ADAMTS19: variants seen among roughly 807,000 people sequenced by gnomAD.
ADAMTS19 encodes the protein A disintegrin and metalloproteinase with thrombospondin motifs 19.
Under a neutral mutation model 153.3 loss-of-function variants are expected in ADAMTS19, and 93 were observed. The observed-to-expected ratio is 0.61, with a 90% CI of 0.51 to 0.72. The LOEUF (loss-of-function observed/expected upper bound fraction) is 0.72, where lower values mean the gene tolerates loss of function less well. Among genes scored for constraint, ADAMTS19 ranks in the 30% least tolerant of loss-of-function variants. The probability of loss-of-function intolerance (pLI) is 0.00; values close to 1 mark genes in which losing one functional copy is unlikely to be tolerated. For synonymous variants in ADAMTS19, 600 were observed against 556.6 expected (o/e 1.08, Z -1.10); for missense variants, 1,482 against 1,552.1 (o/e 0.95, Z 0.76).
intron 7 of ADAMTS19, among the ~76,000 whole-genome samples, chr5:129,578,041 T>TACATACAC (rs1554095132): frequency 2.0e-5 from 2 of 98,576 alleles, no homozygotes; most frequent in Non-Finnish European, 4.2e-5. Context: ...CAAACTTACA[T>TACATACAC]ACACACACAC....
intron 7 of ADAMTS19, among the ~76,000 whole-genome samples, chr5:129,572,303 T>A (rs1163438090): frequency 6.6e-6 from 1 of 151,906 alleles, no homozygotes; most frequent in Non-Finnish European, 1.5e-5. Flanking sequence ...ACAACTCAAC[T>A]CTCATACATT....
intron 18 of ADAMTS19, among the ~76,000 whole-genome samples, chr5:129,687,835 T>C (rs1487331103): frequency 4.6e-5 from 7 of 152,208 alleles, no homozygotes; most frequent in Admixed American, 4.6e-4. Flanking sequence ...TTTCTTTGGA[T>C]ACAAATGGAC....
intron 18 of ADAMTS19, among the ~76,000 whole-genome samples, chr5:129,690,042 A>G (rs778374961): frequency 2.0e-5 from 3 of 152,210 alleles, no homozygotes; most frequent in Non-Finnish European, 2.9e-5. Context: ...TGAACCTCTT[A>G]GTATAGAAAG....
At position 129,641,918 on chromosome 5, in the gene ADAMTS19, G is replaced by A. The variant is rs1251621453; in HGVS notation, c.1830G>A (p.Lys610=). The change falls in exon 11 of 23, where the codon AAG becomes AAA. Residue 610 remains lysine (K), a synonymous_variant. Coordinates refer to ENST00000274487, the MANE Select transcript of ADAMTS19 (RefSeq NM_133638.6). ...AAGGTGAGAAAGAATGCAGAACCAA[G>A]CTAGACCCACCAATGGATGGAACTG... is the stretch of plus-strand genomic sequence containing the variant. The part of the protein sequence containing the change: ...KVEGEKECRT[K]LDPPMDGTDC... 1.2e-6 allele frequency: 2 copies of A among 1,604,832 alleles called. No homozygotes were observed. The highest frequency in any genetic ancestry group is 4.5e-5 in the East Asian group (2 of 44,626).
rs1755107808 is a variant in ADAMTS19 at position 129,686,701 on chromosome 5, C to T, written c.2818+2428C>T. On this transcript the variant is annotated intron_variant, in intron 18 of 22. Coordinates refer to ENST00000274487, the MANE Select transcript of ADAMTS19 (RefSeq NM_133638.6). ...AAGGAGCATCCTTTGGCAGAGGGCT[C>T]AGAGCTTTGAGGTTCTCACCTGACT... is the stretch of plus-strand genomic sequence containing the variant. Among the ~76,000 whole-genome samples the T allele has an allele frequency of 5.3e-5, 8 of 152,216 alleles. No homozygotes were observed. The South Asian group carries it at 1.7e-3, about 32-fold the overall frequency.
chr5:129,610,217 T>G (rs1044559632), intron 8 of ADAMTS19, among the ~76,000 whole-genome samples: 1 of 152,088 alleles, frequency 6.6e-6, no homozygotes, highest in African/African-American at 2.4e-5. Context: ...TGGGCTATAA[T>G]TTATTGAATA....
intron 19 of ADAMTS19, among the ~76,000 whole-genome samples, chr5:129,698,407 A>G (rs767827719): frequency 6.6e-6 from 1 of 152,186 alleles, no homozygotes; most frequent in Non-Finnish European, 1.5e-5. Context: ...TTTATTGAGA[A>G]AGTCACTAAA....
intron 7 of ADAMTS19, among the ~76,000 whole-genome samples, chr5:129,561,019 G>A (rs1377412768): frequency 6.6e-6 from 1 of 151,946 alleles, no homozygotes; most frequent in Non-Finnish European, 1.5e-5. Context: ...AATTATTGCT[G>A]TATTAGAAAT....
At chr5:129,530,277 A>G (rs566920062) in intron 6 of ADAMTS19, among the ~76,000 whole-genome samples, 1 of 152,320 alleles carries the variant, frequency 6.6e-6, no homozygotes, top group Admixed American at 6.5e-5. Flanking sequence ...GATTTAGCAG[A>G]TTAATGTTGT....
At chr5:129,602,757 T>C (rs1054679606) in intron 8 of ADAMTS19, among the ~76,000 whole-genome samples, 11 of 152,130 alleles carry the variant, frequency 7.2e-5, no homozygotes, top group African/African-American at 2.7e-4. Context: ...CCGTAGGTTT[T>C]TGCAATTACA....
chr5:129,551,982 A>G (rs1433328712), intron 7 of ADAMTS19, 75 bp downstream of exon 7: 3 of 945,982 alleles, frequency 3.2e-6, no homozygotes, highest in Non-Finnish European at 3.1e-6. Context: ...ATAGGAAATT[A>G]TTTGTGTTCT....
At chr5:129,629,131 A>G (rs1752179852) in intron 10 of ADAMTS19, among the ~76,000 whole-genome samples, 1 of 152,112 alleles carries the variant, frequency 6.6e-6, no homozygotes, top group African/African-American at 2.4e-5. Flanking sequence ...CCCTTTTGTC[A>G]TTGTATCTCT....
intron 7 of ADAMTS19, among the ~76,000 whole-genome samples, chr5:129,578,045 C>CACACACACAT (rs1749249578): frequency 8.5e-6 from 1 of 118,186 alleles, no homozygotes; most frequent in Non-Finnish European, 1.8e-5. Flanking sequence ...CTTACATACA[C>CACACACACAT]ACACACACAC....
At chr5:129,658,493 T>A (rs1403693954) in intron 14 of ADAMTS19, 124 bp from the exon 15 acceptor site, 1 of 940,886 alleles carries the variant, frequency 1.1e-6, no homozygotes, top group Non-Finnish European at 1.5e-6. Flanking sequence ...TTTTATAATA[T>A]GACATTTCAT....
intron 2 of ADAMTS19, among the ~76,000 whole-genome samples, chr5:129,464,540 A>G (rs1459319360): frequency 6.6e-6 from 1 of 152,184 alleles, no homozygotes; most frequent in African/African-American, 2.4e-5. Context: ...CTTTTGGATT[A>G]TTAAATATTT....
Position 129,648,910 on chromosome 5 carries a change from T to C in ADAMTS19, c.2116T>C (p.Tyr706His), listed in dbSNP as rs1753191729. The stretch of plus-strand genomic sequence containing the variant: ...ATTCAGAGACTGGCAATGTCAGGCT[T>C]ATAGTGTTAGAACTTCCTCCCCAAA... ...PGFRDWQCQAYSVRTSSPKHI... is the reference protein window; with the variant it reads ...PGFRDWQCQAHSVRTSSPKHI... Residue 706 changes from tyrosine to histidine, a missense_variant, in exon 13 of 23, where the codon TAT (tyrosine) becomes CAT (histidine). Physicochemically the swap from Tyr to His is moderately conservative, Grantham distance 83. Around this residue, in one of 2 missense-constraint regions of ADAMTS19, gnomAD observed 616 missense variants for 724.4 expected, o/e 0.85. Coordinates refer to ENST00000274487, the MANE Select transcript of ADAMTS19 (RefSeq NM_133638.6). 1 of 1,613,716 alleles carries C rather than the reference T, an allele frequency of 6.2e-7. No homozygotes were observed. Among genetic ancestry groups the C allele is most frequent in the South Asian group, 1.1e-5 (1 of 91,016 alleles).
At chr5:129,531,123 A>G (rs973034806) in intron 6 of ADAMTS19, among the ~76,000 whole-genome samples, 5 of 152,228 alleles carry the variant, frequency 3.3e-5, no homozygotes, top group Non-Finnish European at 5.9e-5. Context: ...CAGCACTCTT[A>G]TGAGAAATTA....
chr5:129,478,436 G>A (rs1750296900), intron 2 of ADAMTS19, among the ~76,000 whole-genome samples: 1 of 152,176 alleles, frequency 6.6e-6, no homozygotes, highest in African/African-American at 2.4e-5. Context: ...TATTATGTCA[G>A]TGGTGGATTT....
At chr5:129,534,079 G>T (rs1752316050) in intron 6 of ADAMTS19, among the ~76,000 whole-genome samples, 1 of 152,142 alleles carries the variant, frequency 6.6e-6, no homozygotes, top group African/African-American at 2.4e-5. Context: ...CTGTTGACTT[G>T]GGGTGGAGAG....
Sources: gnomAD v4.1 joint callset for allele counts (sites outside exome capture counted in the v4.1 genomes callset) on GRCh38, gnomAD v4.1.1 for gene constraint, gnomAD v4.1.1 regional missense constraint, MANE v1.5 for transcripts, NCBI Gene and HGNC (gene_info 2026-07-23, HGNC 2026-07-21) for gene names.